The following EPHX4 variants were observed in gnomAD, a reference collection of about 807,000 sequenced individuals.
EPHX4 encodes the protein epoxide hydrolase 4, also known as abhydrolase domain containing 7.
EPHX4 carries 31 observed loss-of-function variants against 44.9 expected under a neutral mutation model. That is an observed-to-expected ratio of 0.69 (90% CI 0.52 to 0.93). The LOEUF (loss-of-function observed/expected upper bound fraction) is 0.93. Among genes scored for constraint, EPHX4 ranks in the 40% least tolerant of loss-of-function variants. EPHX4 has a pLI of 0.00. For synonymous variants in EPHX4, 151 were observed against 159.7 expected, an observed-to-expected ratio of 0.95 and a Z score of 0.41; for missense variants, 373 against 438.1, an observed-to-expected ratio of 0.85 and a Z score of 1.33.
At chr1:92,057,742 G>A (rs531978102) in intron 6 of EPHX4, among the ~76,000 whole-genome samples, 31 of 152,134 alleles carry the variant, frequency 2.0e-4, no homozygotes, top group South Asian at 1.5e-3. Flanking sequence ...TTGGATCACA[G>A]GTGTGTACCA....
Position 92,063,150 on chromosome 1 carries a change from C to T in EPHX4, c.953C>T (p.Thr318Ile). The change falls in exon 7 of 7, where the codon ACA (threonine) becomes ATA (isoleucine). Residue 318 changes from threonine (T) to isoleucine (I), a missense_variant. Coordinates refer to ENST00000370383, the MANE Select transcript of EPHX4 (RefSeq NM_173567.5). ...AFMEVEMAEVTKIYVKNYFRL... is the reference protein window; with the variant it reads ...AFMEVEMAEVIKIYVKNYFRL... Reference sequence around the variant, plus strand: ...ATGGAGGTTGAGATGGCTGAAGTCACAAAGATTTATGTTAAAAACTATTTC... The same window carrying T: ...ATGGAGGTTGAGATGGCTGAAGTCATAAAGATTTATGTTAAAAACTATTTC... 6.2e-7 allele frequency: 1 copy of T among 1,614,064 alleles called. No homozygotes were observed. Among genetic ancestry groups the T allele is most frequent in the Non-Finnish European group, 8.5e-7 (1 of 1,180,012 alleles).
Position 92,063,090 on chromosome 1 carries a change from C to T in EPHX4, c.893C>T (p.Pro298Leu). 5 of 1,613,930 alleles carry T rather than the reference C, an allele frequency of 3.1e-6. No individual in the cohort carries two copies. The highest frequency in any genetic ancestry group is 1.7e-5 in the Admixed American group (1 of 60,010). Residue 298 changes from proline to leucine, a missense_variant, in exon 7 of 7, where the codon CCA becomes CTA. Transcript: ENST00000370383. The stretch of plus-strand genomic sequence containing the variant: ...CTCAAACATCACATGGTGACCACTC[C>T]AACACTACTACTGTGGGGAGAGAAT... ...LPLKHHMVTT[P>L]TLLLWGENDA...
At chr1:92,040,076 T>C (rs1030373507) in intron 2 of EPHX4, among the ~76,000 whole-genome samples, 1 of 152,172 alleles carries the variant, frequency 6.6e-6, no homozygotes, top group Admixed American at 6.6e-5. Context: ...AAATCATAAA[T>C]ATCCTAGTGA....
At position 92,046,533 on chromosome 1, in the gene EPHX4, G is replaced by A. The variant is rs554632561; in HGVS notation, c.604+873G>A. On this transcript the variant is annotated intron_variant, in intron 4 of 6. Coordinates refer to ENST00000370383, the MANE Select transcript of EPHX4 (RefSeq NM_173567.5). ...GGCTGGAGTGCAGTGGCGCCATCTC[G>A]GCTCACTGCAACCTCCACCTCCTGG... Among the ~76,000 whole-genome samples the A allele has an allele frequency of 1.4e-3, 210 of 152,134 alleles. 1 individual carries two copies. The highest frequency in any genetic ancestry group is 2.4e-3 in the Non-Finnish European group (160 of 68,002).
At position 92,030,078 on chromosome 1, in the gene EPHX4, CA is replaced by C; in HGVS notation, c.1del. 6.3e-7 allele frequency: 1 copy of C among 1,590,130 alleles called. No homozygotes were observed. Among genetic ancestry groups the C allele is most frequent in the Non-Finnish European group, 8.5e-7 (1 of 1,170,668 alleles). ...GGCAGTGGGCCCCGCCGCCGCCTCC[CA>C]ATGGCGAGGCTGCGGGATTGCCTGC... On this transcript the variant is annotated 5_prime_UTR_variant, in exon 1 of 7. Coordinates refer to ENST00000370383, the MANE Select transcript of EPHX4 (RefSeq NM_173567.5).
chr1:92,052,957 G>A (rs1393155112), intron 6 of EPHX4, among the ~76,000 whole-genome samples: 1 of 152,056 alleles, frequency 6.6e-6, no homozygotes, highest in Admixed American at 6.6e-5. Context: ...TTTAAATGAT[G>A]ATTTATTTAT....
At chr1:92,041,074 G>A (rs1688501685) in intron 2 of EPHX4, among the ~76,000 whole-genome samples, 1 of 151,730 alleles carries the variant, frequency 6.6e-6, no homozygotes, top group Non-Finnish European at 1.5e-5. Flanking sequence ...ATCTAAAATG[G>A]TTTTGCTTAT....
intron 2 of EPHX4, among the ~76,000 whole-genome samples, chr1:92,036,548 G>A (rs972840168): frequency 3.3e-5 from 5 of 152,120 alleles, no homozygotes; most frequent in Non-Finnish European, 7.4e-5. Flanking sequence ...TAGTTTTTGG[G>A]AAGCTCCTAG....
chr1:92,035,817 A>G (rs561367118), intron 2 of EPHX4, among the ~76,000 whole-genome samples: 12 of 152,186 alleles, frequency 7.9e-5, no homozygotes, highest in African/African-American at 2.9e-4. Flanking sequence ...CAAGCCAGGT[A>G]CTTTTGTAAG....
chr1:92,051,046 T>C (rs530704029), intron 5 of EPHX4, among the ~76,000 whole-genome samples: 23 of 152,208 alleles, frequency 1.5e-4, no homozygotes, highest in African/African-American at 5.5e-4. Context: ...TTGCCCAGGC[T>C]GGTCTGAAAC....
Position 92,048,702 on chromosome 1 carries a change from C to CT in EPHX4, c.605-1608dup, listed in dbSNP as rs369188413. On this transcript the variant is annotated intron_variant, in intron 4 of 6. Transcript: ENST00000370383. ...AGATTGCATAGTACTCAAGCATAGA[C>CT]TTTTTTTCCCATTTTTTTAGAGACA... Among the ~76,000 whole-genome samples the CT allele has an allele frequency of 5.4e-3, 825 of 152,038 alleles. 11 individuals are homozygous for CT. The highest frequency in any genetic ancestry group is 0.024 in the Middle Eastern group (7 of 292).
Position 92,037,581 on chromosome 1 carries a change from A to T in EPHX4, c.317+4991A>T, listed in dbSNP as rs574057976. On this transcript the variant is annotated intron_variant, in intron 2 of 6. Coordinates refer to ENST00000370383, the MANE Select transcript of EPHX4 (RefSeq NM_173567.5). ...TCGTCTTCGTCTCCAGCTATATGGA[A>T]TGCATGCGTCATCACTCAAGTGCTA... is the stretch of plus-strand genomic sequence containing the variant. Among the ~76,000 whole-genome samples, 67 of 152,288 alleles carry T rather than the reference A, an allele frequency of 4.4e-4. No individual in the cohort carries two copies. In the Middle Eastern group the frequency reaches 0.01, roughly 23 times the overall value.
At chr1:92,051,738 A>G (rs1434061193) in intron 5 of EPHX4, among the ~76,000 whole-genome samples, 1 of 152,234 alleles carries the variant, frequency 6.6e-6, no homozygotes, top group Non-Finnish European at 1.5e-5. Context: ...CAGTGGGCTC[A>G]TGAGTTGTCA....
intron 2 of EPHX4, 137 bp downstream of exon 2, chr1:92,032,727 G>A: frequency 1.3e-6 from 1 of 752,438 alleles, no homozygotes; most frequent in Non-Finnish European, 2.2e-6. Context: ...AGTTCTGGAG[G>A]CTGGGAAGTT....
intron 6 of EPHX4, among the ~76,000 whole-genome samples, chr1:92,059,939 A>G (rs1302066579): frequency 6.6e-6 from 1 of 151,260 alleles, no homozygotes; most frequent in East Asian, 2.0e-4. Context: ...ACTTCACTCC[A>G]GCCTCGAACT....
At chr1:92,030,578 A>G (rs533253222) in intron 1 of EPHX4, among the ~76,000 whole-genome samples, 3 of 151,910 alleles carry the variant, frequency 2.0e-5, no homozygotes, top group Non-Finnish European at 4.4e-5. Context: ...TTCTCTAATC[A>G]GGGGCCTCTT....
At chr1:92,043,017 GACAA>G (rs1557883125) in intron 3 of EPHX4, 37 bp downstream of exon 3, 2 of 1,491,752 alleles carry the variant, frequency 1.3e-6, no homozygotes, top group African/African-American at 1.4e-5. Context: ...CTTTTTAAGG[GACAA>G]ACATTCAACA....
chr1:92,045,679 C>G lies in EPHX4; in HGVS notation c.604+19C>G. 1 of 1,613,160 alleles carries G rather than the reference C, an allele frequency of 6.2e-7. No homozygotes were observed. Among genetic ancestry groups the G allele is most frequent in the Non-Finnish European group, 8.5e-7 (1 of 1,179,638 alleles). On this transcript the variant is annotated intron_variant, in intron 4 of 6. Coordinates refer to ENST00000370383, the MANE Select transcript of EPHX4 (RefSeq NM_173567.5). ...TTTACAGGTGAGTTCAAGTTTTTAT[C>G]AAAACAGTTCTGCTAATGTGACAAT...
intron 6 of EPHX4, 108 bp from the exon 7 acceptor site, chr1:92,062,947 G>C (rs1647531138): frequency 1.1e-6 from 1 of 929,882 alleles, no homozygotes; most frequent in Admixed American, 2.4e-5. Flanking sequence ...CACCCTTTTA[G>C]AGGCAAGATT....
Sources: gnomAD v4.1 joint callset for allele counts (sites outside exome capture counted in the v4.1 genomes callset) on GRCh38, gnomAD v4.1.1 for gene constraint, MANE v1.5 for transcripts, NCBI Gene and HGNC (gene_info 2026-07-23, HGNC 2026-07-21) for gene names.